Variants in SMOC2 observed in about 807,000 individuals in gnomAD.
SMOC2 encodes the protein SPARC-related modular calcium-binding protein 2.
Under a neutral mutation model 61.4 loss-of-function variants are expected in SMOC2, and 39 were observed. That is an observed-to-expected ratio of 0.64 (90% CI 0.49 to 0.83). The LOEUF is 0.83. Ranked by LOEUF, SMOC2 falls within the 40% of genes least tolerant of loss-of-function variation. The pLI is 0.00. For missense variants in SMOC2, 556 were observed against 592.9 expected, an observed-to-expected ratio of 0.94 and a Z score of 0.65; for synonymous variants, 247 against 239.9, an observed-to-expected ratio of 1.03 and a Z score of -0.27.
intron 1 of SMOC2, among the ~76,000 whole-genome samples, chr6:168,469,325 C>T (rs1397144063): frequency 6.6e-6 from 1 of 152,214 alleles, no homozygotes; most frequent in Non-Finnish European, 1.5e-5. Flanking sequence ...TTACTCTTTG[C>T]AACTTCCTAA....
intron 9 of SMOC2, among the ~76,000 whole-genome samples, chr6:168,645,622 A>G (rs1583183832): frequency 1.3e-5 from 2 of 152,196 alleles, no homozygotes; most frequent in Non-Finnish European, 2.9e-5. Flanking sequence ...CAGCCCGGGC[A>G]CAAGAGTGGA....
chr6:168,543,631 T>G lies in SMOC2; in HGVS notation c.470T>G (p.Val157Gly). 6.2e-7 allele frequency: 1 copy of G among 1,613,842 alleles called. No homozygotes were observed. Among genetic ancestry groups the G allele is most frequent in the East Asian group, 2.2e-5 (1 of 44,878 alleles). The change falls in exon 5 of 13, where the codon GTA becomes GGA. Residue 157 changes from valine (V) to glycine (G), a missense_variant. Physicochemically the swap from Val to Gly is moderately radical, Grantham distance 109. Transcript: ENST00000356284. The part of the protein sequence containing the change: ...AHKTPRCPGS[V>G]NEKLPQREGT... ...CCTTATTTTCCTCTTTTAGGTTCCG[T>G]AAATGAAAAGTTACCCCAACGCGAA...
chr6:168,549,063 G>A (rs1006111734), intron 6 of SMOC2, 66 bp from the exon 7 acceptor site: 32 of 1,338,674 alleles, frequency 2.4e-5, no homozygotes, highest in Admixed American at 5.0e-5. Context: ...GCTGCACTGC[G>A]TAACTAAGGA....
At position 168,452,856 on chromosome 6, in the gene SMOC2, C is replaced by A. The variant is rs1471599839; in HGVS notation, c.84+11402C>A. ...CAGCCCGCCAGGCCGAGGCTTTTGT[C>A]CTGCTCTGCTCCTGGAGGCTGACAC... is the stretch of plus-strand genomic sequence containing the variant. On this transcript the variant is annotated intron_variant, in intron 1 of 12. Transcript: ENST00000356284. The surrounding 1 kb of genome is among the most constrained non-coding windows in gnomAD (Gnocchi z 5.0). 6.6e-6 allele frequency among the ~76,000 whole-genome samples: 1 copy of A among 152,234 alleles called. No individual in the cohort carries two copies. Among genetic ancestry groups the A allele is most frequent in the Non-Finnish European group, 1.5e-5 (1 of 68,040 alleles).
intron 1 of SMOC2, among the ~76,000 whole-genome samples, chr6:168,478,863 C>T (rs1465185751): frequency 2.7e-5 from 4 of 148,922 alleles, no homozygotes; most frequent in Admixed American, 1.3e-4. Context: ...GACCCTGTCT[C>T]GGGGAAAGGA....
intron 7 of SMOC2, among the ~76,000 whole-genome samples, chr6:168,556,100 A>G (rs1283855519): frequency 6.6e-6 from 1 of 152,094 alleles, no homozygotes; most frequent in African/African-American, 2.4e-5. Context: ...GACCCCCTCC[A>G]CGTCCAGGCC....
At chr6:168,471,449 A>G (rs535906812) in intron 1 of SMOC2, among the ~76,000 whole-genome samples, 7 of 152,194 alleles carry the variant, frequency 4.6e-5, no homozygotes, top group East Asian at 1.9e-4. Flanking sequence ...GTAATATTCT[A>G]TTGTATGCAT....
At chr6:168,487,322 C>T (rs912556293) in intron 1 of SMOC2, among the ~76,000 whole-genome samples, 2 of 152,078 alleles carry the variant, frequency 1.3e-5, no homozygotes, top group Non-Finnish European at 2.9e-5. Flanking sequence ...AATTAGTCAA[C>T]TTGATTGACT....
In SMOC2 at chr6:168,656,507, TAA is replaced by T. The variant is rs5881805; in HGVS notation, c.1285+3301_1285+3302del. On this transcript the variant is annotated intron_variant, in intron 11 of 12. Coordinates refer to ENST00000356284, the MANE Select transcript of SMOC2 (RefSeq NM_001166412.2). ...TGGGTGACAAAGCAAGACTTTGTGTTAAAAAAAAAAAAAAAAAAAAAAAGAAA... is the reference window on the plus strand; with the variant it reads ...TGGGTGACAAAGCAAGACTTTGTGTTAAAAAAAAAAAAAAAAAAAAAGAAA... 2.6e-3 allele frequency among the ~76,000 whole-genome samples: 230 copies of T among 86,798 alleles called. 7 individuals carry two copies. In the East Asian group the frequency reaches 0.055, roughly 21 times the overall value. 56.9% of individuals were successfully genotyped at this position (86,798 alleles called of 152,430 possible).
At chr6:168,636,460 T>G (rs1023258958) in intron 9 of SMOC2, among the ~76,000 whole-genome samples, 2 of 152,242 alleles carry the variant, frequency 1.3e-5, no homozygotes, top group Non-Finnish European at 2.9e-5. Flanking sequence ...ATGCCAGTGT[T>G]GAGGTCAGTG....
At chr6:168,509,592 A>G (rs572060678) in intron 1 of SMOC2, among the ~76,000 whole-genome samples, 1 of 152,192 alleles carries the variant, frequency 6.6e-6, no homozygotes, top group East Asian at 1.9e-4. Context: ...AATTCACAAA[A>G]GGAAAACATT....
At chr6:168,585,009 G>C (rs866790759) in intron 7 of SMOC2, among the ~76,000 whole-genome samples, 1 of 152,144 alleles carries the variant, frequency 6.6e-6, no homozygotes, top group Admixed American at 6.5e-5. Context: ...CCAGGTTGGA[G>C]TGCAGTGGTG....
At chr6:168,633,097 G>A (rs1018949127) in intron 9 of SMOC2, among the ~76,000 whole-genome samples, 17 of 152,210 alleles carry the variant, frequency 1.1e-4, no homozygotes, top group African/African-American at 1.7e-4. Flanking sequence ...GTTTGAGGAC[G>A]TAGGGCTGAG....
At chr6:168,587,802 G>A (rs1049035515) in intron 7 of SMOC2, among the ~76,000 whole-genome samples, 1 of 152,182 alleles carries the variant, frequency 6.6e-6, no homozygotes, top group African/African-American at 2.4e-5. Context: ...TGAGGGGCAG[G>A]TTTGCCGAAC....
At chr6:168,637,602 T>C (rs2115256212) in intron 9 of SMOC2, among the ~76,000 whole-genome samples, 1 of 152,336 alleles carries the variant, frequency 6.6e-6, no homozygotes, top group South Asian at 2.1e-4. Context: ...GCGTTTTCCT[T>C]TGCGAGGAAC....
intron 4 of SMOC2, among the ~76,000 whole-genome samples, chr6:168,540,607 C>T (rs2115095515): frequency 6.7e-6 from 1 of 149,510 alleles, no homozygotes; most frequent in East Asian, 1.9e-4. Context: ...CCTGTCTTCT[C>T]CCTGCAGCGC....
intron 12 of SMOC2, among the ~76,000 whole-genome samples, chr6:168,665,778 G>A (rs1483022147): frequency 6.6e-6 from 1 of 152,024 alleles, no homozygotes; most frequent in East Asian, 1.9e-4. Flanking sequence ...TTATCAAGGG[G>A]GAATAAAAGC....
intron 7 of SMOC2, among the ~76,000 whole-genome samples, chr6:168,550,016 C>G (rs909240559): frequency 2.6e-5 from 4 of 152,132 alleles, no homozygotes; most frequent in Non-Finnish European, 5.9e-5. Context: ...TTTTGAAGAC[C>G]AGTAATGGGT....
intron 7 of SMOC2, among the ~76,000 whole-genome samples, chr6:168,587,229 C>A (rs1408473195): frequency 6.6e-6 from 1 of 152,194 alleles, no homozygotes; most frequent in Non-Finnish European, 1.5e-5. Flanking sequence ...TCTAAATACA[C>A]TCATATATTC....
Sources: allele counts gnomAD v4.1 joint callset (sites outside exome capture counted in the v4.1 genomes callset), GRCh38; gene constraint gnomAD v4.1.1; non-coding constraint Gnocchi (gnomAD v3.1); transcripts MANE v1.5; gene names NCBI Gene and HGNC (gene_info 2026-07-23, HGNC 2026-07-21).